Variants in FRA10AC1 observed in about 807,000 individuals in gnomAD.
FRA10AC1 encodes FRA10A associated CGG repeat 1, also known as protein FRA10AC1.
A neutral mutation model predicts 56.5 loss-of-function variants in FRA10AC1; 43 were observed. The observed-to-expected ratio is 0.76, with a 90% CI of 0.60 to 0.98. The LOEUF is 0.98. Ranked by LOEUF, FRA10AC1 falls within the 50% of genes least tolerant of loss-of-function variation. The probability of loss-of-function intolerance (pLI) is 0.00; values close to 1 mark genes in which losing one functional copy is unlikely to be tolerated. For missense variants in FRA10AC1, 346 were observed against 351.8 expected (o/e 0.98, Z 0.13); for synonymous variants, 112 against 110.5 (o/e 1.01, Z -0.09).
rs1025369621 is a variant in FRA10AC1 at position 93,669,832 on chromosome 10, A to G, written c.942T>C (p.Phe314=). Reference sequence around the variant, plus strand: ...GAGGCTTCTCTCTCTCGTCTCATAGAAACAAATCCTGAAAATACTCATCAA... The same window carrying G: ...GAGGCTTCTCTCTCTCGTCTCATAGGAACAAATCCTGAAAATACTCATCAA... ...EEFDEYFQDL[F]L is the part of the protein sequence containing the mutation. The change falls in exon 14 of 14, where the codon TTT becomes TTC. Residue 314 remains phenylalanine (F), a synonymous_variant. Coordinates refer to ENST00000359204, the MANE Select transcript of FRA10AC1 (RefSeq NM_145246.5). 8 of 1,583,248 alleles carry G rather than the reference A, an allele frequency of 5.1e-6. No homozygotes were observed. The highest frequency in any genetic ancestry group is 6.9e-6 in the Non-Finnish European group (8 of 1,159,282).
chr10:93,678,689 C>T (rs1449144058), intron 11 of FRA10AC1, among the ~76,000 whole-genome samples: 1 of 151,926 alleles, frequency 6.6e-6, no homozygotes, highest in Non-Finnish European at 1.5e-5. Flanking sequence ...ACAAAATTAG[C>T]TGAGTATGGT....
In FRA10AC1 at chr10:93,670,824, G is replaced by T; in HGVS notation, c.851C>A (p.Ala284Asp). 6.2e-7 allele frequency: 1 copy of T among 1,611,598 alleles called. No individual in the cohort carries two copies. Among genetic ancestry groups the T allele is most frequent in the Non-Finnish European group, 8.5e-7 (1 of 1,178,190 alleles). The change falls in exon 13 of 14, where the codon GCT becomes GAT. Residue 284 changes from alanine (A) to aspartate (D), a missense_variant. Ala to Asp is a moderately radical substitution (Grantham distance 126). Coordinates refer to ENST00000359204, the MANE Select transcript of FRA10AC1 (RefSeq NM_145246.5). ...ACCCTTCCAAAGTTCAGATTCTGAA[G>T]CACTTTCTTCCTCATCAGAGTTTCC... ...LLRNSDEEESASESELWKGPL... is the reference protein window; with the variant it reads ...LLRNSDEEESDSESELWKGPL...
Position 93,694,925 on chromosome 10 carries a change from T to C in FRA10AC1, c.232A>G (p.Thr78Ala), listed in dbSNP as rs137880326. 110 of 1,506,778 alleles carry C rather than the reference T, an allele frequency of 7.3e-5. No homozygotes were observed. The African/African-American group carries it at 1.3e-3, about 18-fold the overall frequency. 93.3% of individuals were successfully genotyped at this position (1,506,778 alleles called of 1,614,324 possible). A position where few individuals can be genotyped will look rare whatever the true frequency, so the allele number is the denominator to read the frequency against. Residue 78 changes from threonine (T) to alanine (A), a missense_variant, in exon 5 of 14, where the codon ACA (threonine) becomes GCA (alanine). Physicochemically the swap from Thr to Ala is moderately conservative, Grantham distance 58. Transcript: ENST00000359204. ...LIAMDAYQRH[T>A]KFVNDYILYY... ...AAAATATAGTCATTTACGAACTTTG[T>C]ATGTCTTTGATACTGAAATGCAAAA...
Position 93,668,577 on chromosome 10 carries a change from A to G in FRA10AC1, c.*1249T>C, listed in dbSNP as rs2058713948. On this transcript the variant is annotated 3_prime_UTR_variant, in exon 14 of 14. Coordinates refer to ENST00000359204, the MANE Select transcript of FRA10AC1 (RefSeq NM_145246.5). ...ATAAAGACATACCAGAGACTGGGGA[A>G]GAAAAAGAGGTTTAATTGGACTTAC... 6.5e-6 allele frequency: 1 copy of G among 153,720 alleles called. No individual in the cohort carries two copies. The highest frequency in any genetic ancestry group is 1.4e-5 in the Non-Finnish European group (1 of 69,230). The allele number at this position is 153,720 out of a possible 1,614,324, so 9.5% of individuals were successfully genotyped here. A position where few individuals can be genotyped will look rare whatever the true frequency, so the allele number is the denominator to read the frequency against.
chr10:93,685,428 C>T, intron 8 of FRA10AC1, 69 bp from the exon 9 acceptor site: 2 of 718,846 alleles, frequency 2.8e-6, no homozygotes, highest in Non-Finnish European at 4.8e-6. Context: ...TCTAGTATTA[C>T]CCCTAAAATG....
At chr10:93,677,014 T>A (rs1324961295) in intron 11 of FRA10AC1, among the ~76,000 whole-genome samples, 1 of 152,228 alleles carries the variant, frequency 6.6e-6, no homozygotes, top group African/African-American at 2.4e-5. Flanking sequence ...AAGCAATAAT[T>A]TATTATCTAT....
chr10:93,672,804 C>T (rs1405222144), intron 12 of FRA10AC1: 2 of 153,290 alleles, frequency 1.3e-5, no homozygotes, highest in Middle Eastern at 3.2e-3. Flanking sequence ...TCCCTTATAA[C>T]CCTATGAATC....
intron 8 of FRA10AC1, among the ~76,000 whole-genome samples, chr10:93,686,932 G>C (rs1198275102): frequency 6.6e-6 from 1 of 151,788 alleles, no homozygotes; most frequent in Admixed American, 6.6e-5. Context: ...ATTAGACTAA[G>C]TATTTGGGCT....
intron 10 of FRA10AC1, among the ~76,000 whole-genome samples, chr10:93,681,997 G>A (rs1219911813): frequency 6.6e-6 from 1 of 152,026 alleles, no homozygotes. Context: ...AGAAGAAACT[G>A]CTGAACAGCT....
intron 7 of FRA10AC1, among the ~76,000 whole-genome samples, chr10:93,688,481 T>C (rs1011518245): frequency 4.6e-5 from 7 of 152,014 alleles, no homozygotes; most frequent in Non-Finnish European, 1.0e-4. Flanking sequence ...ATACCAAGAG[T>C]GAACCCTAAT....
intron 4 of FRA10AC1, among the ~76,000 whole-genome samples, 162 bp downstream of exon 4, chr10:93,697,974 G>A (rs1014104602): frequency 3.3e-5 from 5 of 151,946 alleles, no homozygotes; most frequent in Non-Finnish European, 7.4e-5. Context: ...ATTAGTAAAA[G>A]AGAATTGTAC....
At chr10:93,673,710 T>C (rs527880477) in intron 12 of FRA10AC1, 4 of 410,424 alleles carry the variant, frequency 9.7e-6, no homozygotes, top group Admixed American at 9.4e-5. Context: ...CTGATAACAA[T>C]GATAGCTACA....
At chr10:93,693,479 T>A (rs1420171022) in intron 5 of FRA10AC1, among the ~76,000 whole-genome samples, 7 of 43,702 alleles carry the variant, frequency 1.6e-4, no homozygotes, top group Non-Finnish European at 2.8e-4. Context: ...ATGTGGTGTG[T>A]GTGTATATAT....
chr10:93,669,644 T>G lies in FRA10AC1; in HGVS notation c.*182A>C, dbSNP rs2058729453. ...AGATATTTAAAGGACAGGAAAGTCT[T>G]TAATTGAACTAATGAACTTCCAAAG... On this transcript the variant is annotated 3_prime_UTR_variant, in exon 14 of 14. Coordinates refer to ENST00000359204, the MANE Select transcript of FRA10AC1 (RefSeq NM_145246.5). 3 of 576,760 alleles carry G rather than the reference T, an allele frequency of 5.2e-6. No homozygotes were observed. In the East Asian group the frequency reaches 9.1e-5, roughly 17 times the overall value. 35.7% of individuals were successfully genotyped at this position (576,760 alleles called of 1,614,324 possible). A position where few individuals can be genotyped will look rare whatever the true frequency, so the allele number is the denominator to read the frequency against.
Position 93,688,722 on chromosome 10 carries a change from G to A in FRA10AC1, c.466-1273C>T, listed in dbSNP as rs909359368. ...GGAAGATTACTTGAACCTGGGAGGTGGAGGCTGCAGTGAGCCATGATCATG... is the reference window on the plus strand; with the variant it reads ...GGAAGATTACTTGAACCTGGGAGGTAGAGGCTGCAGTGAGCCATGATCATG... On this transcript the variant is annotated intron_variant, in intron 7 of 13. Transcript: ENST00000359204. Among the ~76,000 whole-genome samples the A allele has an allele frequency of 9.2e-5, 14 of 152,158 alleles. No individual in the cohort carries two copies. In the East Asian group the frequency reaches 2.7e-3, roughly 29 times the overall value.
At chr10:93,675,482 A>C (rs2058826232) in intron 12 of FRA10AC1, 1 of 153,474 alleles carries the variant, frequency 6.5e-6, no homozygotes, top group Non-Finnish European at 1.5e-5. Flanking sequence ...CGAGGCAGGC[A>C]GATCACAAGG....
At chr10:93,672,459 A>G (rs1325843434) in intron 12 of FRA10AC1, 1 of 155,612 alleles carries the variant, frequency 6.4e-6, no homozygotes, top group African/African-American at 2.4e-5. Flanking sequence ...TTTTTATGAA[A>G]ACTCATTAAT....
At chr10:93,695,272 C>A (rs1342093647) in intron 4 of FRA10AC1, among the ~76,000 whole-genome samples, 1 of 151,768 alleles carries the variant, frequency 6.6e-6, no homozygotes, top group Non-Finnish European at 1.5e-5. Context: ...CTAATAATCA[C>A]AATATGAAAA....
chr10:93,693,526 TAC>T (rs1564820219), intron 5 of FRA10AC1, among the ~76,000 whole-genome samples: 206 of 13,462 alleles, frequency 0.015, 14 homozygotes, highest in African/African-American at 0.016. Context: ...TATATATATA[TAC>T]ACCATATATA....
Sources: gnomAD v4.1 joint callset for allele counts (sites outside exome capture counted in the v4.1 genomes callset) on GRCh38, gnomAD v4.1.1 for gene constraint, MANE v1.5 for transcripts, NCBI Gene and HGNC (gene_info 2026-07-23, HGNC 2026-07-21) for gene names.